SRBD1: variants seen among roughly 807,000 people sequenced by gnomAD.
SRBD1 encodes the protein S1 RNA-binding domain-containing protein 1.
In SRBD1, 88 loss-of-function variants were observed where a neutral mutation model predicts 115.3. That is an observed-to-expected ratio of 0.76 (90% CI 0.64 to 0.91). The LOEUF is 0.91. Ranked by LOEUF, SRBD1 falls within the 40% of genes least tolerant of loss-of-function variation. The probability of loss-of-function intolerance (pLI) is 0.00; values close to 1 mark genes in which losing one functional copy is unlikely to be tolerated. For missense variants in SRBD1, 1,385 were observed against 1,177.4 expected (o/e 1.18, Z -2.58); for synonymous variants, 509 against 407.7 (o/e 1.25, Z -2.99).
At chr2:45,427,985 C>A (rs894376304) in intron 16 of SRBD1, among the ~76,000 whole-genome samples, 1 of 152,192 alleles carries the variant, frequency 6.6e-6, no homozygotes, top group Non-Finnish European at 1.5e-5. Context: ...GAACTCAGCT[C>A]TGGACCAAGC....
At position 45,599,446 on chromosome 2, in the gene SRBD1, T is replaced by C; in HGVS notation, c.648+3A>G. 9 of 1,611,812 alleles carry C rather than the reference T, an allele frequency of 5.6e-6. No homozygotes were observed. Among genetic ancestry groups the C allele is most frequent in the Non-Finnish European group, 7.6e-6 (9 of 1,178,698 alleles). ...TAAAGTGACAGAAAAAGGCTGCACA[T>C]ACCTGTACCATGTCCCAATTCATTT... On this transcript the variant is annotated splice_donor_region_variant and intron_variant, in intron 4 of 20. Coordinates refer to ENST00000263736, the MANE Select transcript of SRBD1 (RefSeq NM_018079.5).
chr2:45,528,741 A>G (rs1452145094), intron 14 of SRBD1, among the ~76,000 whole-genome samples: 1 of 151,898 alleles, frequency 6.6e-6, no homozygotes, highest in Admixed American at 6.6e-5. Context: ...GGTGAGGAAA[A>G]TATCTGGAGT....
intron 19 of SRBD1, among the ~76,000 whole-genome samples, chr2:45,405,583 G>A (rs962556219): frequency 2.0e-5 from 3 of 152,048 alleles, no homozygotes; most frequent in Non-Finnish European, 4.4e-5. Flanking sequence ...TCATGTGTAT[G>A]GGTAGAATCA....
intron 10 of SRBD1, among the ~76,000 whole-genome samples, chr2:45,561,599 T>A (rs905774131): frequency 3.9e-5 from 6 of 152,222 alleles, no homozygotes; most frequent in African/African-American, 1.4e-4. Context: ...TTACATCTCC[T>A]AGCTGCTAGG....
rs767568269 is a variant in SRBD1 at position 45,413,190 on chromosome 2, C to T, written c.2437G>A (p.Ala813Thr). The part of the protein sequence containing the change: ...EKQGKKKSKT[A>T]VNVLLKPNPL... ...TTTGGCTTCAGTAAAACATTCACTG[C>T]AGTTTTGCTCTTCTTTTTGCCCTGC... The change falls in exon 19 of 21, where the codon GCA becomes ACA. Residue 813 changes from alanine (A) to threonine (T), a missense_variant. Ala to Thr is a moderately conservative substitution (Grantham distance 58). Transcript: ENST00000263736. 4.3e-6 allele frequency: 7 copies of T among 1,614,096 alleles called. No individual in the cohort carries two copies. In the Admixed American group the frequency reaches 1.2e-4, roughly 27 times the overall value.
chr2:45,414,451 T>G (rs1005220707), intron 18 of SRBD1, among the ~76,000 whole-genome samples: 1 of 150,634 alleles, frequency 6.6e-6, no homozygotes, highest in Non-Finnish European at 1.5e-5. Flanking sequence ...ATAGTATATA[T>G]GTAGTATGTA....
At position 45,579,938 on chromosome 2, in the gene SRBD1, T is replaced by G. The variant is rs1019822252; in HGVS notation, c.1009A>C (p.Arg337=). The G allele has an allele frequency of 1.2e-5, 19 of 1,610,014 alleles. No individual in the cohort carries two copies. In the Admixed American group the frequency reaches 3.0e-4, roughly 26 times the overall value. The part of the protein sequence containing the change: ...ARQLGLEGAA[R]ALLEKPGELS... ...TCCCCTGGTTTCTCAAGCAGTGCCC[T>G]GGCTGCTCCTTCTAAGCCCAACTGT... The change falls in exon 7 of 21, where the codon AGG becomes CGG. Residue 337 remains arginine (R), a synonymous_variant. Coordinates refer to ENST00000263736, the MANE Select transcript of SRBD1 (RefSeq NM_018079.5).
chr2:45,423,440 G>T (rs116241438), intron 16 of SRBD1, among the ~76,000 whole-genome samples: 4 of 152,230 alleles, frequency 2.6e-5, no homozygotes, highest in Non-Finnish European at 4.4e-5. Context: ...CATTAAACCA[G>T]ATACATGGTA....
intron 17 of SRBD1, among the ~76,000 whole-genome samples, chr2:45,418,869 T>A (rs2103631521): frequency 6.6e-6 from 1 of 152,302 alleles, no homozygotes; most frequent in East Asian, 1.9e-4. Flanking sequence ...CTGGATAAAG[T>A]AATAATTTTG....
intron 10 of SRBD1, among the ~76,000 whole-genome samples, chr2:45,560,125 C>T (rs993593421): frequency 6.6e-6 from 1 of 151,950 alleles, no homozygotes; most frequent in African/African-American, 2.4e-5. Context: ...AACTTCCAAA[C>T]CTGACTGAAA....
At chr2:45,555,747 C>T (rs550856877) in intron 10 of SRBD1, among the ~76,000 whole-genome samples, 22 of 152,126 alleles carry the variant, frequency 1.4e-4, no homozygotes, top group Non-Finnish European at 2.8e-4. Flanking sequence ...CCATGTCAGC[C>T]TCCCAAAGTG....
At chr2:45,491,779 T>C (rs1437561726) in intron 14 of SRBD1, among the ~76,000 whole-genome samples, 3 of 152,306 alleles carry the variant, frequency 2.0e-5, no homozygotes, top group Middle Eastern at 3.4e-3. Context: ...CACTTTCAAA[T>C]TTTTTAACAA....
chr2:45,529,732 G>C (rs1671555388), intron 14 of SRBD1, among the ~76,000 whole-genome samples: 1 of 151,936 alleles, frequency 6.6e-6, no homozygotes. Context: ...AGGTATCTGG[G>C]TTCCTCTTGT....
chr2:45,524,833 C>A (rs1035826105), intron 14 of SRBD1, among the ~76,000 whole-genome samples: 2 of 151,902 alleles, frequency 1.3e-5, no homozygotes, highest in Admixed American at 6.6e-5. Flanking sequence ...TGCTGAATAA[C>A]CAAAACAATC....
At chr2:45,416,478 G>C (rs1282498394) in intron 18 of SRBD1, among the ~76,000 whole-genome samples, 1 of 152,058 alleles carries the variant, frequency 6.6e-6, no homozygotes, top group Admixed American at 6.5e-5. Context: ...CTAAATTACA[G>C]CCCATCCATA....
At chr2:45,481,309 T>C (rs891480299) in intron 15 of SRBD1, among the ~76,000 whole-genome samples, 1 of 152,082 alleles carries the variant, frequency 6.6e-6, no homozygotes, top group African/African-American at 2.4e-5. Flanking sequence ...GAATGCGTTA[T>C]TTAGTGGACA....
chr2:45,391,108 G>T (rs1248961452), intron 20 of SRBD1, among the ~76,000 whole-genome samples: 4 of 152,166 alleles, frequency 2.6e-5, no homozygotes, highest in African/African-American at 9.7e-5. Flanking sequence ...AGCTGCTGCA[G>T]ATTCCCTAAG....
intron 16 of SRBD1, among the ~76,000 whole-genome samples, chr2:45,424,726 T>C (rs1668102138): frequency 6.6e-6 from 1 of 152,180 alleles, no homozygotes; most frequent in Non-Finnish European, 1.5e-5. Flanking sequence ...CGAAGTAAAA[T>C]GTATTTCCTA....
At chr2:45,495,278 C>A (rs1453631090) in intron 14 of SRBD1, among the ~76,000 whole-genome samples, 1 of 152,174 alleles carries the variant, frequency 6.6e-6, no homozygotes, top group East Asian at 1.9e-4. Flanking sequence ...TTCCAAACTT[C>A]ACAGAGATGA....
Sources: gnomAD v4.1 joint callset for allele counts (sites outside exome capture counted in the v4.1 genomes callset) on GRCh38, gnomAD v4.1.1 for gene constraint, MANE v1.5 for transcripts, NCBI Gene and HGNC (gene_info 2026-07-23, HGNC 2026-07-21) for gene names.